The following FAF1 variants were observed in gnomAD, a reference collection of about 807,000 sequenced individuals.
FAF1 encodes the protein Fas associated factor 1.
Under a neutral mutation model 92.5 loss-of-function variants are expected in FAF1, and 25 were observed. The observed-to-expected ratio is 0.27, with a 90% CI of 0.20 to 0.38. The LOEUF is 0.38. FAF1 is among the 10% of genes least tolerant of loss of function. The pLI, the probability that FAF1 is intolerant of heterozygous loss-of-function variation, is 1.00. For synonymous variants in FAF1, 234 were observed against 273.2 expected, an observed-to-expected ratio of 0.86 and a Z score of 1.42; for missense variants, 636 against 793.3, an observed-to-expected ratio of 0.80 and a Z score of 2.38.
At chr1:50,775,600 C>A (rs1412674256) in intron 4 of FAF1, among the ~76,000 whole-genome samples, 1 of 151,904 alleles carries the variant, frequency 6.6e-6, no homozygotes, top group Non-Finnish European at 1.5e-5. Flanking sequence ...AATACAGAGC[C>A]ACTGAAAGGC....
chr1:50,707,933 G>C (rs771103404), intron 6 of FAF1, among the ~76,000 whole-genome samples: 3 of 152,066 alleles, frequency 2.0e-5, no homozygotes, highest in Non-Finnish European at 4.4e-5. Flanking sequence ...GACTTGCACT[G>C]TTCCAGGTGC....
chr1:50,959,098 C>A (rs1312794349), intron 1 of FAF1, among the ~76,000 whole-genome samples: 1 of 152,162 alleles, frequency 6.6e-6, no homozygotes, highest in Admixed American at 6.5e-5. Flanking sequence ...GGACACCAAC[C>A]AAGCAATTCA....
chr1:50,835,140 G>A (rs1215719199), intron 2 of FAF1, among the ~76,000 whole-genome samples: 1 of 152,142 alleles, frequency 6.6e-6, no homozygotes, highest in African/African-American at 2.4e-5. Flanking sequence ...ATTATATGAA[G>A]TGCTTTATTT....
chr1:50,914,080 T>G (rs1362080739), intron 1 of FAF1, among the ~76,000 whole-genome samples: 1 of 152,190 alleles, frequency 6.6e-6, no homozygotes, highest in African/African-American at 2.4e-5. Context: ...ACATTAACAC[T>G]GATGGATGAC....
At chr1:50,828,160 T>C (rs1033677283) in intron 2 of FAF1, among the ~76,000 whole-genome samples, 2 of 151,074 alleles carry the variant, frequency 1.3e-5, no homozygotes, top group Non-Finnish European at 2.9e-5. Flanking sequence ...TAAACAAATA[T>C]AAAAGACTAG....
chr1:50,730,926 T>C (rs1658889360), intron 6 of FAF1, among the ~76,000 whole-genome samples: 1 of 152,260 alleles, frequency 6.6e-6, no homozygotes. Context: ...ACTCATGTCC[T>C]TCTTGCCTAG....
chr1:50,514,989 A>C (rs1647198533), intron 15 of FAF1, among the ~76,000 whole-genome samples: 1 of 152,190 alleles, frequency 6.6e-6, no homozygotes, highest in Non-Finnish European at 1.5e-5. Context: ...CTGTTAATCA[A>C]GTCTCCTAAC....
At chr1:50,665,845 G>A (rs1023925412) in intron 7 of FAF1, among the ~76,000 whole-genome samples, 1 of 152,110 alleles carries the variant, frequency 6.6e-6, no homozygotes, top group African/African-American at 2.4e-5. Context: ...GTCTGTATAA[G>A]TATAGGTACA....
chr1:50,694,046 C>T (rs751309890), intron 7 of FAF1, among the ~76,000 whole-genome samples: 4 of 151,530 alleles, frequency 2.6e-5, no homozygotes, highest in East Asian at 1.9e-4. Context: ...ATATACATGA[C>T]ATGTATGACA....
intron 1 of FAF1, among the ~76,000 whole-genome samples, chr1:50,948,585 T>G (rs1309019076): frequency 6.7e-6 from 1 of 149,988 alleles, no homozygotes; most frequent in African/African-American, 2.5e-5. Context: ...CAGGCTGGAG[T>G]GCAGTGACGC....
intron 4 of FAF1, among the ~76,000 whole-genome samples, chr1:50,760,857 TAG>T (rs1557514749): frequency 6.6e-6 from 1 of 151,570 alleles, no homozygotes; most frequent in Non-Finnish European, 1.5e-5. Flanking sequence ...CTGAAGGAAA[TAG>T]AGACACAAAA....
intron 18 of FAF1, among the ~76,000 whole-genome samples, chr1:50,473,809 A>G (rs937019722): frequency 4.6e-5 from 7 of 152,168 alleles, no homozygotes; most frequent in Non-Finnish European, 1.0e-4. Context: ...CCCAGAGGGG[A>G]TATTACTAGT....
At chr1:50,837,747 CTT>C (rs112915276) in intron 2 of FAF1, among the ~76,000 whole-genome samples, 21 of 141,434 alleles carry the variant, frequency 1.5e-4, no homozygotes, top group Non-Finnish European at 1.9e-4. Flanking sequence ...GGGGAAGCTC[CTT>C]TTTTTTTTTT....
chr1:50,957,800 C>G (rs961817339), intron 1 of FAF1, among the ~76,000 whole-genome samples: 5 of 151,902 alleles, frequency 3.3e-5, no homozygotes, highest in African/African-American at 9.7e-5. Context: ...AAAGCAGATG[C>G]AAGTTATTAG....
At chr1:50,905,915 G>A (rs998623387) in intron 1 of FAF1, among the ~76,000 whole-genome samples, 1 of 152,172 alleles carries the variant, frequency 6.6e-6, no homozygotes, top group African/African-American at 2.4e-5. Flanking sequence ...GGCTTTGGTT[G>A]CCATTGCTTT....
intron 12 of FAF1, among the ~76,000 whole-genome samples, chr1:50,578,315 T>C (rs1032356429): frequency 6.6e-6 from 1 of 152,188 alleles, no homozygotes; most frequent in Non-Finnish European, 1.5e-5. Context: ...GAAAATTTAG[T>C]AAGAGTGCCA....
intron 4 of FAF1, among the ~76,000 whole-genome samples, chr1:50,756,396 AGCC>A (rs1433365831): frequency 1.4e-5 from 2 of 146,946 alleles, no homozygotes; most frequent in Non-Finnish European, 2.9e-5. Context: ...AGACCACCTA[AGCC>A]TGAACTTTAT....
At chr1:50,645,382 A>G (rs948340253) in intron 8 of FAF1, among the ~76,000 whole-genome samples, 1 of 152,220 alleles carries the variant, frequency 6.6e-6, no homozygotes, top group Non-Finnish European at 1.5e-5. Context: ...AATGCCTACT[A>G]AATGCCAGAC....
chr1:50,468,594 G>T (rs1000960872), intron 18 of FAF1, among the ~76,000 whole-genome samples: 4 of 152,066 alleles, frequency 2.6e-5, no homozygotes, highest in African/African-American at 9.7e-5. Flanking sequence ...CAAGTAGCTG[G>T]GATTACAGGC....
Sources: gnomAD v4.1 joint callset for allele counts (sites outside exome capture counted in the v4.1 genomes callset) on GRCh38, gnomAD v4.1.1 for gene constraint, MANE v1.5 for transcripts, NCBI Gene and HGNC (gene_info 2026-07-23, HGNC 2026-07-21) for gene names.